The following HDAC10 variants were observed in gnomAD, a reference collection of about 807,000 sequenced individuals.
HDAC10 encodes the protein polyamine deacetylase HDAC10.
Under a neutral mutation model 82.3 loss-of-function variants are expected in HDAC10, and 90 were observed. The ratio of observed to expected loss-of-function variants is 1.09; its 90% CI spans 0.92 to 1.30. The LOEUF is 1.30. Ranked by LOEUF, HDAC10 falls within the 50% of genes most tolerant of loss-of-function variation. The pLI is 0.00. For missense variants in HDAC10, 934 were observed against 876.3 expected (o/e 1.07, Z -0.83); for synonymous variants, 456 against 391.7 (o/e 1.16, Z -1.94).
In HDAC10 at chr22:50,249,442, G is replaced by A. The variant is rs1555912288; in HGVS notation, c.576C>T (p.Phe192=). 13 of 1,612,686 alleles carry A rather than the reference G, an allele frequency of 8.1e-6. No homozygotes were observed. Among genetic ancestry groups the A allele is most frequent in the Non-Finnish European group, 1.1e-5 (13 of 1,179,928 alleles). The change falls in exon 7 of 20, where the codon TTC becomes TTT. Residue 192 remains phenylalanine, a synonymous_variant. Transcript: ENST00000216271. The surrounding 1 kb of genome is among the most constrained non-coding windows in gnomAD (Gnocchi z 4.4). ...LFEDDPSVLY[F]SWHRYEHGRF... ...GCCCATGCTCATAGCGGTGCCAGGA[G>A]AAGTAAAGGACGCTGCCAACAGCCA...
intron 16 of HDAC10, 61 bp downstream of exon 16, chr22:50,246,618 A>G: frequency 6.6e-7 from 1 of 1,508,542 alleles, no homozygotes. Flanking sequence ...GCCCAGGCAC[A>G]CGTCCATCAC....
At position 50,245,441 on chromosome 22, in the gene HDAC10, C is replaced by T; in HGVS notation, c.*66G>A. On this transcript the variant is annotated 3_prime_UTR_variant, in exon 20 of 20. Coordinates refer to ENST00000216271, the MANE Select transcript of HDAC10 (RefSeq NM_032019.6). The stretch of plus-strand genomic sequence containing the variant: ...GGAGCCGTGGGCTTGGGGTCCGGAT[C>T]GCGGCCGCGGGGCGCTGGCGTGCGG... The T allele has an allele frequency of 1.4e-6, 1 of 732,752 alleles. No homozygotes were observed. Among genetic ancestry groups the T allele is most frequent in the Non-Finnish European group, 2.5e-6 (1 of 397,182 alleles). The allele number at this position is 732,752 out of a possible 1,614,324, so 45.4% of individuals were successfully genotyped here.
chr22:50,250,015 C>G (rs1326218273), intron 4 of HDAC10, 48 bp downstream of exon 4: 2 of 1,605,674 alleles, frequency 1.2e-6, no homozygotes, highest in African/African-American at 1.3e-5. Context: ...CCTGGCCCCT[C>G]ACAGGGCCAC....
At chr22:50,250,185 GC>G in intron 3 of HDAC10, 25 bp from the exon 4 acceptor site, 1 of 1,593,796 alleles carries the variant, frequency 6.3e-7, no homozygotes, top group Non-Finnish European at 8.6e-7. Flanking sequence ...GCGCAGATGA[GC>G]CCCCTGCCTT....
rs1422070009 is a variant in HDAC10, at chr22:50,249,086, G to A, written c.756+17C>T. On this transcript the variant is annotated intron_variant, in intron 8 of 19. Transcript: ENST00000216271. This position sits in a 1 kb window ranked among gnomAD's most constrained non-coding sequence, Gnocchi z 4.4. ...CCTCCCACCCGGCTGCCCTGGGGGA[G>A]CCCTCCGTGCAGTCACCTCAAAGGC... 6.3e-7 allele frequency: 1 copy of A among 1,584,642 alleles called. No homozygotes were observed. The highest frequency in any genetic ancestry group is 8.6e-7 in the Non-Finnish European group (1 of 1,164,638).
At position 50,249,836 on chromosome 22, in the gene HDAC10, C is replaced by A; in HGVS notation, c.494+24G>T. On this transcript the variant is annotated intron_variant, in intron 5 of 19. Transcript: ENST00000216271. The surrounding 1 kb of genome is among the most constrained non-coding windows in gnomAD (Gnocchi z 4.4). ...CTTGCTGTGTGGCCTGGGCCCACCCCCCTGCAGCCAGCCTGGCACACACCT... is the reference window on the plus strand; with the variant it reads ...CTTGCTGTGTGGCCTGGGCCCACCCACCTGCAGCCAGCCTGGCACACACCT... 1 of 1,608,286 alleles carries A rather than the reference C, an allele frequency of 6.2e-7. No individual in the cohort carries two copies. The highest frequency in any genetic ancestry group is 8.5e-7 in the Non-Finnish European group (1 of 1,176,430).
chr22:50,247,561 A>T, intron 14 of HDAC10, 131 bp downstream of exon 14: 1 of 670,992 alleles, frequency 1.5e-6, no homozygotes, highest in Non-Finnish European at 2.5e-6. Flanking sequence ...AGTTCCTGGC[A>T]CAAGGCAATG....
In HDAC10 at chr22:50,249,352, G is replaced by GA; in HGVS notation, c.665dup (p.Thr223HisfsTer15). ...CCTGGTTCCAGGGCAGGTTGACAGT[G>GA]AAGCCGAGGCCCTGTCCCCGCCCCA... On this transcript the variant is annotated frameshift_variant, in exon 7 of 20. Transcript: ENST00000216271. LOFTEE classifies it high-confidence loss of function. This position sits in a 1 kb window ranked among gnomAD's most constrained non-coding sequence, Gnocchi z 4.4. 1 of 1,611,872 alleles carries GA rather than the reference G, an allele frequency of 6.2e-7. No homozygotes were observed. Among genetic ancestry groups the GA allele is most frequent in the Non-Finnish European group, 8.5e-7 (1 of 1,179,636 alleles).
chr22:50,251,111 G>C lies in HDAC10; in HGVS notation c.-79C>G. The C allele has an allele frequency of 6.9e-7, 1 of 1,447,198 alleles. No homozygotes were observed. The highest frequency in any genetic ancestry group is 1.2e-5 in the South Asian group (1 of 80,978). The allele number at this position is 1,447,198 out of a possible 1,614,324, so 89.6% of individuals were successfully genotyped here. A position where few individuals can be genotyped will look rare whatever the true frequency, so the allele number is the denominator to read the frequency against. On this transcript the variant is annotated 5_prime_UTR_variant, in exon 1 of 20. Coordinates refer to ENST00000216271, the MANE Select transcript of HDAC10 (RefSeq NM_032019.6). ...CACTGCCTGTCCCCACCTTCGGCCG[G>C]GAGCAGCCGGAGGCCTGGGACCTGC...
chr22:50,245,633 C>G, intron 19 of HDAC10, 42 bp downstream of exon 19: 3 of 1,612,126 alleles, frequency 1.9e-6, no homozygotes, highest in Non-Finnish European at 2.5e-6. Flanking sequence ...TGCGGCAGAG[C>G]CAGGCCCCAG....
rs774215443 is a variant in HDAC10 at position 50,248,195 on chromosome 22, T to A, written c.1081+30A>T. Reference sequence around the variant, plus strand: ...CACTGCACAGGAGCCCGAGGTGGGATCCTGCAGCCTAGCACCCGGCCACAC... The same window carrying A: ...CACTGCACAGGAGCCCGAGGTGGGAACCTGCAGCCTAGCACCCGGCCACAC... On this transcript the variant is annotated intron_variant, in intron 12 of 19. Coordinates refer to ENST00000216271, the MANE Select transcript of HDAC10 (RefSeq NM_032019.6). The surrounding 1 kb of genome is among the most constrained non-coding windows in gnomAD (Gnocchi z 5.4). The A allele has an allele frequency of 8.7e-6, 14 of 1,605,620 alleles. No individual in the cohort carries two copies. The East Asian group carries it at 2.9e-4, about 33-fold the overall frequency.
chr22:50,247,005 C>G (rs1469242619), intron 14 of HDAC10, 39 bp from the exon 15 acceptor site: 18 of 1,370,624 alleles, frequency 1.3e-5, no homozygotes, highest in Non-Finnish European at 1.7e-5. Flanking sequence ...AGGCACCAAC[C>G]AACTCCCAAG....
rs370025223 is a variant in HDAC10 at position 50,248,336 on chromosome 22, C to T, written c.1013+30G>A. The T allele has an allele frequency of 3.7e-5, 60 of 1,611,264 alleles. No individual in the cohort carries two copies. The highest frequency in any genetic ancestry group is 1.5e-4 in the Admixed American group (9 of 59,942). ...AGTCGTGACACCTGGTCTCACACCCCGGCCCTGCCCGCCCTACCTCCCCTC... is the reference window on the plus strand; with the variant it reads ...AGTCGTGACACCTGGTCTCACACCCTGGCCCTGCCCGCCCTACCTCCCCTC... On this transcript the variant is annotated intron_variant, in intron 11 of 19. Coordinates refer to ENST00000216271, the MANE Select transcript of HDAC10 (RefSeq NM_032019.6). This position sits in a 1 kb window ranked among gnomAD's most constrained non-coding sequence, Gnocchi z 5.4.
chr22:50,248,325 G>A lies in HDAC10; in HGVS notation c.1014-33C>T. ...GGAGACACAACAGTCGTGACACCTG[G>A]TCTCACACCCCGGCCCTGCCCGCCC... On this transcript the variant is annotated intron_variant, in intron 11 of 19. Transcript: ENST00000216271. This position sits in a 1 kb window ranked among gnomAD's most constrained non-coding sequence, Gnocchi z 5.4. 1 of 1,611,806 alleles carries A rather than the reference G, an allele frequency of 6.2e-7. No homozygotes were observed. Among genetic ancestry groups the A allele is most frequent in the Non-Finnish European group, 8.5e-7 (1 of 1,179,722 alleles).
At chr22:50,247,533 TG>T (rs960296518) in intron 14 of HDAC10, 158 bp downstream of exon 14, 4 of 572,742 alleles carry the variant, frequency 7.0e-6, no homozygotes, top group African/African-American at 5.6e-5. Context: ...TCCCCACCCC[TG>T]GGGCTGTTCT....
chr22:50,246,112 C>T lies in HDAC10; in HGVS notation c.1651-20G>A. ...GGTCATCTGTGGGGACAGCAGAGCC[C>T]AGCTCCTCATCTACGGACACCTGCT... is the stretch of plus-strand genomic sequence containing the variant. On this transcript the variant is annotated intron_variant, in intron 17 of 19. Transcript: ENST00000216271. The T allele has an allele frequency of 2.5e-6, 4 of 1,587,298 alleles. No individual in the cohort carries two copies. The highest frequency in any genetic ancestry group is 3.4e-6 in the Non-Finnish European group (4 of 1,164,220).
intron 2 of HDAC10, 41 bp from the exon 3 acceptor site, chr22:50,250,564 C>T (rs373015922): frequency 1.1e-5 from 17 of 1,512,414 alleles, no homozygotes; most frequent in Non-Finnish European, 1.6e-5. Flanking sequence ...GGGTCACCAG[C>T]AGGAGCAGGG....
At position 50,248,071 on chromosome 22, in the gene HDAC10, G is replaced by T. The variant is rs1193692437; in HGVS notation, c.1156C>A (p.Pro386Thr). The T allele has an allele frequency of 1.9e-6, 3 of 1,604,854 alleles. No homozygotes were observed. Among genetic ancestry groups the T allele is most frequent in the Admixed American group, 3.4e-5 (2 of 59,684 alleles). ...GCAGATGCAGCTGCCTTACACACTG[G>T]ACCCCCAGGCAGCAGAGGTGGAGGC... The part of the protein sequence containing the change: ...GRPPPLLPGG[P>T]VCKAAASAPS... Residue 386 changes from proline to threonine, a missense_variant, in exon 13 of 20, where the codon CCA becomes ACA. By Grantham distance (38) the Pro-to-Thr change is conservative. Transcript: ENST00000216271. The surrounding 1 kb of genome is among the most constrained non-coding windows in gnomAD (Gnocchi z 5.4).
Position 50,245,447 on chromosome 22 carries a change from C to T in HDAC10, c.*60G>A. The stretch of plus-strand genomic sequence containing the variant: ...GTGGGCTTGGGGTCCGGATCGCGGC[C>T]GCGGGGCGCTGGCGTGCGGTGTCAT... On this transcript the variant is annotated 3_prime_UTR_variant, in exon 20 of 20. Coordinates refer to ENST00000216271, the MANE Select transcript of HDAC10 (RefSeq NM_032019.6). 2.7e-6 allele frequency: 2 copies of T among 742,058 alleles called. No homozygotes were observed. The highest frequency in any genetic ancestry group is 2.6e-5 in the East Asian group (1 of 38,976). 46.0% of individuals were successfully genotyped at this position (742,058 alleles called of 1,614,324 possible). A position where few individuals can be genotyped will look rare whatever the true frequency, so the allele number is the denominator to read the frequency against.
Sources: gnomAD v4.1 joint callset for allele counts on GRCh38, gnomAD v4.1.1 for gene constraint, Gnocchi (gnomAD v3.1) non-coding constraint, MANE v1.5 for transcripts, NCBI Gene and HGNC (gene_info 2026-07-23, HGNC 2026-07-21) for gene names.